The following KAT6B variants were observed in gnomAD, a reference collection of about 807,000 sequenced individuals.
The protein encoded by KAT6B is histone acetyltransferase KAT6B.
A neutral mutation model predicts 187.5 loss-of-function variants in KAT6B; 10 were observed. The ratio of observed to expected loss-of-function variants is 0.05; its 90% CI spans 0.03 to 0.09. KAT6B has a LOEUF of 0.09. KAT6B is among the 10% of genes least tolerant of loss of function. The pLI, the probability that KAT6B is intolerant of heterozygous loss-of-function variation, is 1.00. For missense variants in KAT6B, 1,952 were observed against 2,558.9 expected (o/e 0.76, Z 5.12); for synonymous variants, 861 against 926.8 (o/e 0.93, Z 1.29).
intron 3 of KAT6B, among the ~76,000 whole-genome samples, chr10:74,912,340 G>A (rs757854266): frequency 1.1e-4 from 16 of 150,718 alleles, no homozygotes; most frequent in Non-Finnish European, 1.9e-4. Flanking sequence ...ATAGATGAAG[G>A]TTGAAGGATG....
intron 3 of KAT6B, among the ~76,000 whole-genome samples, chr10:74,948,967 A>G (rs190834117): frequency 1.3e-5 from 2 of 152,328 alleles, no homozygotes; most frequent in Admixed American, 1.3e-4. Context: ...AATAAATTAT[A>G]GTCTTGAAGT....
chr10:74,854,835 C>CA (rs1243454046), intron 3 of KAT6B, among the ~76,000 whole-genome samples: 5 of 152,198 alleles, frequency 3.3e-5, no homozygotes, highest in Admixed American at 2.6e-4. Flanking sequence ...TAGGCGTACA[C>CA]AGAAACCATG....
In KAT6B at chr10:75,000,567, T is replaced by C. The variant is rs550723121; in HGVS notation, c.2629+11455T>C. On this transcript the variant is annotated intron_variant, in intron 13 of 17. Transcript: ENST00000287239. ...ACAGCTGGATCCAAGTCTACAGACT[T>C]ACGTCTATAGTTTTTAGAGACCAGA... Among the ~76,000 whole-genome samples, 9 of 152,280 alleles carry C rather than the reference T, an allele frequency of 5.9e-5. No individual in the cohort carries two copies. In the South Asian group the frequency reaches 1.9e-3, roughly 32 times the overall value.
intron 4 of KAT6B, among the ~76,000 whole-genome samples, chr10:74,963,825 A>T (rs1220157093): frequency 6.6e-6 from 1 of 152,164 alleles, no homozygotes; most frequent in Non-Finnish European, 1.5e-5. Flanking sequence ...TAAAGATATG[A>T]TCCAAAGAAG....
In KAT6B at chr10:74,851,762, C is replaced by T. The variant is rs191351462; in HGVS notation, c.621+8284C>T. 5.3e-5 allele frequency among the ~76,000 whole-genome samples: 8 copies of T among 152,254 alleles called. No individual in the cohort carries two copies. In the East Asian group the frequency reaches 1.3e-3, roughly 26 times the overall value. Reference sequence around the variant, plus strand: ...TTCTCCTGCCCCTTTTAGAGAGATACGTTGTTAGGGTTTTTGGCACTGTTA... The same window carrying T: ...TTCTCCTGCCCCTTTTAGAGAGATATGTTGTTAGGGTTTTTGGCACTGTTA... On this transcript the variant is annotated intron_variant, in intron 3 of 17. Coordinates refer to ENST00000287239, the MANE Select transcript of KAT6B (RefSeq NM_012330.4).
intron 13 of KAT6B, among the ~76,000 whole-genome samples, chr10:75,013,585 T>C (rs1385422955): frequency 1.3e-5 from 2 of 152,180 alleles, no homozygotes; most frequent in Admixed American, 6.5e-5. Flanking sequence ...TTTATTTCTT[T>C]CCCCTACCTT....
rs181217832 is a variant in KAT6B, at chr10:74,859,977, G to A, written c.621+16499G>A. Reference sequence around the variant, plus strand: ...GGTGTAAATTGTATGTATTTTTCTCGCTTCTAAAAATTTTATAGCAGAATG... The same window carrying A: ...GGTGTAAATTGTATGTATTTTTCTCACTTCTAAAAATTTTATAGCAGAATG... On this transcript the variant is annotated intron_variant, in intron 3 of 17. Transcript: ENST00000287239. 2.8e-4 allele frequency among the ~76,000 whole-genome samples: 42 copies of A among 152,230 alleles called. 1 individual carries two copies. The highest frequency in any genetic ancestry group is 9.9e-4 in the African/African-American group (41 of 41,544).
At chr10:74,892,543 AC>A (rs1023606548) in intron 3 of KAT6B, among the ~76,000 whole-genome samples, 1 of 151,750 alleles carries the variant, frequency 6.6e-6, no homozygotes, top group Admixed American at 6.6e-5. Flanking sequence ...CAGCTATTAT[AC>A]CCCCCATAGC....
intron 3 of KAT6B, among the ~76,000 whole-genome samples, chr10:74,864,571 T>A (rs1027273295): frequency 6.6e-6 from 1 of 152,104 alleles, no homozygotes; most frequent in African/African-American, 2.4e-5. Flanking sequence ...AGACAGGGTC[T>A]TTCTCTGTTG....
chr10:74,979,325 A>C lies in KAT6B; in HGVS notation c.2217A>C (p.Pro739=). The C allele has an allele frequency of 6.2e-7, 1 of 1,607,066 alleles. No homozygotes were observed. The highest frequency in any genetic ancestry group is 8.5e-7 in the Non-Finnish European group (1 of 1,173,598). ...EIQTWYSSPY[P]QEYARLPKLY... ...AAACCTGGTACTCCTCGCCTTACCC[A>C]CAGGAATATGCAAGGTAATGGAATA... is the stretch of plus-strand genomic sequence containing the variant. Residue 739 remains proline, a synonymous_variant, in exon 10 of 18, where the codon CCA becomes CCC. Transcript: ENST00000287239.
At chr10:74,891,025 T>C (rs2132638886) in intron 3 of KAT6B, among the ~76,000 whole-genome samples, 1 of 152,368 alleles carries the variant, frequency 6.6e-6, no homozygotes, top group East Asian at 1.9e-4. Context: ...AGCAAAGAGC[T>C]GAGCTCTATA....
At position 75,030,521 on chromosome 10, in the gene KAT6B, C is replaced by T. The variant is rs1564633239; in HGVS notation, c.5697C>T (p.Asn1899=). Residue 1899 remains asparagine, a synonymous_variant, in exon 18 of 18, where the codon AAC becomes AAT. Coordinates refer to ENST00000287239, the MANE Select transcript of KAT6B (RefSeq NM_012330.4). The surrounding 1 kb of genome is among the most constrained non-coding windows in gnomAD (Gnocchi z 4.8). ...MNLPPPLLQR[N]MAASNIGISH... is the part of the protein sequence containing the mutation. Reference sequence around the variant, plus strand: ...TGCCGCCGCCTCTTTTGCAACGGAACATGGCTGCATCAAATATTGGCATCT... The same window carrying T: ...TGCCGCCGCCTCTTTTGCAACGGAATATGGCTGCATCAAATATTGGCATCT... 1 of 1,609,194 alleles carries T rather than the reference C, an allele frequency of 6.2e-7. No individual in the cohort carries two copies. The highest frequency in any genetic ancestry group is 8.5e-7 in the Non-Finnish European group (1 of 1,176,194).
intron 3 of KAT6B, among the ~76,000 whole-genome samples, chr10:74,863,762 C>G (rs1207072432): frequency 1.3e-5 from 2 of 152,220 alleles, no homozygotes; most frequent in African/African-American, 4.8e-5. Context: ...TTTCCCCATC[C>G]TTATTCCTAT....
chr10:74,961,932 T>G (rs957495831), intron 4 of KAT6B, among the ~76,000 whole-genome samples: 6 of 152,200 alleles, frequency 3.9e-5, no homozygotes, highest in Non-Finnish European at 8.8e-5. Flanking sequence ...TGAGCCAGTC[T>G]TCAAGTGGAG....
chr10:74,843,249 A>G lies in KAT6B; in HGVS notation c.392A>G (p.Lys131Arg). The G allele has an allele frequency of 6.2e-7, 1 of 1,614,222 alleles. No individual in the cohort carries two copies. The highest frequency in any genetic ancestry group is 1.3e-5 in the African/African-American group (1 of 75,060). Reference sequence around the variant, plus strand: ...GGCTCCTCCCTGAAGAACATAGAGAAGTATCTCAGAAGTCAAAGTGATCTC... The same window carrying G: ...GGCTCCTCCCTGAAGAACATAGAGAGGTATCTCAGAAGTCAAAGTGATCTC... ...PNGSSLKNIEKYLRSQSDLTS... is the reference protein window; with the variant it reads ...PNGSSLKNIERYLRSQSDLTS... Residue 131 changes from lysine to arginine, a missense_variant, in exon 3 of 18, where the codon AAG becomes AGG. Transcript: ENST00000287239.
chr10:74,860,313 A>G (rs189792054), intron 3 of KAT6B, among the ~76,000 whole-genome samples: 3 of 152,350 alleles, frequency 2.0e-5, no homozygotes, highest in African/African-American at 7.2e-5. Context: ...AATGTGCATT[A>G]TAAGCAGTTA....
rs1466527110 is a variant in KAT6B at position 74,855,807 on chromosome 10, A to T, written c.621+12329A>T. 2.6e-5 allele frequency among the ~76,000 whole-genome samples: 4 copies of T among 152,170 alleles called. No individual in the cohort carries two copies. In the East Asian group the frequency reaches 7.7e-4, roughly 29 times the overall value. On this transcript the variant is annotated intron_variant, in intron 3 of 17. Transcript: ENST00000287239. ...TCTATTTCTTTCACATAGATTCACC[A>T]ATTTTAACATTTTGCCACATTCTTT...
intron 3 of KAT6B, among the ~76,000 whole-genome samples, chr10:74,898,997 C>CAAAAAAAAAAAAAA (rs776291985): frequency 1.9e-5 from 2 of 108,072 alleles, no homozygotes; most frequent in African/African-American, 7.9e-5. Context: ...ACTAAAAATA[C>CAAAAAAAAAAAAAA]AAAAAAAAAA....
chr10:74,893,875 G>A (rs1429983835), intron 3 of KAT6B, among the ~76,000 whole-genome samples: 1 of 152,126 alleles, frequency 6.6e-6, no homozygotes, highest in Non-Finnish European at 1.5e-5. Context: ...TTAGAATTTA[G>A]CACACTTTCC....
Sources: allele counts gnomAD v4.1 joint callset (sites outside exome capture counted in the v4.1 genomes callset), GRCh38; gene constraint gnomAD v4.1.1; non-coding constraint Gnocchi (gnomAD v3.1); transcripts MANE v1.5; gene names NCBI Gene and HGNC (gene_info 2026-07-23, HGNC 2026-07-21).